The following SEPTIN5 variants were observed in gnomAD, a reference collection of about 807,000 sequenced individuals.
SEPTIN5 encodes the protein septin-5.
Under a neutral mutation model 51.2 loss-of-function variants are expected in SEPTIN5, and 16 were observed. The ratio of observed to expected loss-of-function variants is 0.31; its 90% confidence interval spans 0.21 to 0.47. The LOEUF is 0.47. Among genes scored for constraint, SEPTIN5 ranks in the 20% least tolerant of loss-of-function variants. The pLI is 0.99. For missense variants in SEPTIN5, 376 were observed against 500.3 expected, an observed-to-expected ratio of 0.75 and a Z score of 2.37; for synonymous variants, 208 against 191.2, an observed-to-expected ratio of 1.09 and a Z score of -0.72.
At chr22:19,721,615 G>A (rs370460066) in intron 8 of SEPTIN5, 25 bp from the exon 9 acceptor site, 1 of 1,612,058 alleles carries the variant, frequency 6.2e-7, no homozygotes, top group African/African-American at 1.3e-5. Flanking sequence ...CACCGGGTGT[G>A]AGCCTTTCTC....
At chr22:19,717,775 A>G in intron 2 of SEPTIN5, 1 of 247,912 alleles carries the variant, frequency 4.0e-6, no homozygotes, top group Non-Finnish European at 8.1e-6. Context: ...CCAAACACAC[A>G]TGCACACACC....
intron 9 of SEPTIN5, 27 bp downstream of exon 9, chr22:19,721,763 C>G (rs1235470708): frequency 6.2e-7 from 1 of 1,601,420 alleles, no homozygotes; most frequent in Admixed American, 1.7e-5. Flanking sequence ...GGTACCAGGT[C>G]TGGTGGGGGA....
At chr22:19,718,260 C>G in intron 2 of SEPTIN5, 1 of 330,412 alleles carries the variant, frequency 3.0e-6, no homozygotes, top group Non-Finnish European at 4.3e-6. Flanking sequence ...ACTGAGGCCC[C>G]GGGGGCGCGG....
intron 2 of SEPTIN5, 105 bp from the exon 3 acceptor site, chr22:19,719,497 G>A (rs1458497742): frequency 3.3e-6 from 3 of 909,480 alleles, no homozygotes; most frequent in South Asian, 3.4e-5. Flanking sequence ...CCCACCCTGG[G>A]AACCGTACCC....
At chr22:19,718,060 G>C (rs1240426723) in intron 2 of SEPTIN5, 1 of 152,420 alleles carries the variant, frequency 6.6e-6, no homozygotes, top group East Asian at 1.9e-4. Context: ...GCGAGAAGAC[G>C]GCGGGCCCTG....
At chr22:19,716,674 G>A (rs928597188) in intron 2 of SEPTIN5, among the ~76,000 whole-genome samples, 13 of 152,204 alleles carry the variant, frequency 8.5e-5, no homozygotes, top group African/African-American at 3.1e-4. Context: ...TGGGTTGAAC[G>A]CTGAGAGTGA....
Position 19,723,065 on chromosome 22 carries a change from C to A in SEPTIN5, c.*581C>A. 2.0e-6 allele frequency: 1 copy of A among 510,832 alleles called. No individual in the cohort carries two copies. Among genetic ancestry groups the A allele is most frequent in the Non-Finnish European group, 3.8e-6 (1 of 265,924 alleles). 31.6% of individuals were successfully genotyped at this position (510,832 alleles called of 1,614,324 possible). A position where few individuals can be genotyped will look rare whatever the true frequency, so the allele number is the denominator to read the frequency against. On this transcript the variant is annotated 3_prime_UTR_variant, in exon 12 of 12. Transcript: ENST00000455784. ...GGTCGTGACCGCTTACACCCCTTCT[C>A]CACAGCCCGGCCCGACCTGGAGGGC... is the stretch of plus-strand genomic sequence containing the variant.
rs980756330 is a variant in SEPTIN5, at chr22:19,715,031, G to T, written c.54+240G>T. Among the ~76,000 whole-genome samples, 8 of 152,376 alleles carry T rather than the reference G, an allele frequency of 5.3e-5. No individual in the cohort carries two copies. In the East Asian group the frequency reaches 1.5e-3, roughly 29 times the overall value. ...CCTGCGCCCCTCCCCAGGATGGGGG[G>T]ATGGGCAGAGTGTCCCCCTCCCACA... On this transcript the variant is annotated intron_variant, in intron 2 of 11. Coordinates refer to ENST00000455784, the MANE Select transcript of SEPTIN5 (RefSeq NM_002688.6).
rs1935984597 is a variant in SEPTIN5 at position 19,719,612 on chromosome 22, A to G, written c.65A>G (p.Lys22Arg). The change falls in exon 3 of 12, where the codon AAG becomes AGG. Residue 22 changes from lysine to arginine, a missense_variant. Lys to Arg is a conservative substitution (Grantham distance 26). Transcript: ENST00000455784. ...ATPEDKQDID[K>R]QYVGFATLPN... is the part of the protein sequence containing the mutation. ...CCATCCTGTCCCCAGGACATTGACA[A>G]GCAGTACGTGGGCTTCGCCACACTG... 1 of 1,612,336 alleles carries G rather than the reference A, an allele frequency of 6.2e-7. No homozygotes were observed. Among genetic ancestry groups the G allele is most frequent in the Non-Finnish European group, 8.5e-7 (1 of 1,179,488 alleles).
intron 2 of SEPTIN5, chr22:19,719,353 A>ATACAGTGTC (rs1178758213): frequency 2.0e-6 from 1 of 496,652 alleles, no homozygotes; most frequent in Non-Finnish European, 3.6e-6. Flanking sequence ...CACGGAATAA[A>ATACAGTGTC]TACAGTGTCG....
intron 2 of SEPTIN5, 161 bp from the exon 3 acceptor site, chr22:19,719,441 A>G: frequency 3.3e-6 from 2 of 607,676 alleles, no homozygotes; most frequent in Non-Finnish European, 5.7e-6. Flanking sequence ...TCTTATCTCC[A>G]GGCTTTTGCC....
intron 6 of SEPTIN5, 44 bp downstream of exon 6, chr22:19,720,498 C>T (rs1168354354): frequency 6.2e-7 from 1 of 1,613,320 alleles, no homozygotes; most frequent in Non-Finnish European, 8.5e-7. Flanking sequence ...GCAGCCCCTA[C>T]AATATGGCCC....
intron 4 of SEPTIN5, 74 bp from the exon 5 acceptor site, chr22:19,720,041 G>A: frequency 6.2e-7 from 1 of 1,609,066 alleles, no homozygotes; most frequent in Non-Finnish European, 8.5e-7. Flanking sequence ...AGATGGATGA[G>A]GACGAGGGTC....
At chr22:19,721,766 G>C (rs1257754438) in intron 9 of SEPTIN5, 30 bp downstream of exon 9, 1 of 1,601,418 alleles carries the variant, frequency 6.2e-7, no homozygotes, top group South Asian at 1.1e-5. Context: ...ACCAGGTCTG[G>C]TGGGGGAAGG....
At chr22:19,715,531 G>C (rs1288272588) in intron 2 of SEPTIN5, among the ~76,000 whole-genome samples, 1 of 152,204 alleles carries the variant, frequency 6.6e-6, no homozygotes. Context: ...ACAACCAGGT[G>C]GGCTGGGGGG....
chr22:19,719,456 G>A, intron 2 of SEPTIN5, 146 bp from the exon 3 acceptor site: 1 of 644,660 alleles, frequency 1.6e-6, no homozygotes, highest in Non-Finnish European at 2.6e-6. Context: ...TTTGCCCACG[G>A]GCCCTCCCCT....
chr22:19,717,163 T>C (rs891042354), intron 2 of SEPTIN5: 2 of 338,890 alleles, frequency 5.9e-6, no homozygotes, highest in African/African-American at 3.5e-5. Flanking sequence ...CAGGAGAGCC[T>C]AAGGGAGGGC....
At position 19,722,848 on chromosome 22, in the gene SEPTIN5, C is replaced by T; in HGVS notation, c.*364C>T. Reference sequence around the variant, plus strand: ...CCAGGATCCTGGGTCTGTTCCCTGCCCCAGTGCTGCAGAACGGACTTGGGA... The same window carrying T: ...CCAGGATCCTGGGTCTGTTCCCTGCTCCAGTGCTGCAGAACGGACTTGGGA... On this transcript the variant is annotated 3_prime_UTR_variant, in exon 12 of 12. Transcript: ENST00000455784. The T allele has an allele frequency of 2.2e-6, 1 of 462,858 alleles. No homozygotes were observed. 28.7% of individuals were successfully genotyped at this position (462,858 alleles called of 1,614,324 possible).
Position 19,720,203 on chromosome 22 carries a change from G to A in SEPTIN5, c.327G>A (p.Thr109=), listed in dbSNP as rs753300024. The A allele has an allele frequency of 8.1e-6, 13 of 1,613,414 alleles. No homozygotes were observed. Among genetic ancestry groups the A allele is most frequent in the Middle Eastern group, 1.6e-4 (1 of 6,084 alleles). Residue 109 remains threonine (T), a synonymous_variant, in exon 5 of 12, where the codon ACG becomes ACA. Coordinates refer to ENST00000455784, the MANE Select transcript of SEPTIN5 (RefSeq NM_002688.6). ...GVKLKLTIVD[T]PGFGDAVNNT... The stretch of plus-strand genomic sequence containing the variant: ...AGCTGAAGCTCACCATCGTGGACAC[G>A]CCGGGATTCGGGGACGCTGTCAACA...
Sources: gnomAD v4.1 joint callset for allele counts (sites outside exome capture counted in the v4.1 genomes callset) on GRCh38, gnomAD v4.1.1 for gene constraint, MANE v1.5 for transcripts, NCBI Gene and HGNC (gene_info 2026-07-23, HGNC 2026-07-21) for gene names.